HMGN1: variants seen among roughly 807,000 people sequenced by gnomAD.
HMGN1 encodes non-histone chromosomal protein HMG-14.
HMGN1 carries 9 observed loss-of-function variants against 18.4 expected under a neutral mutation model. That is an observed-to-expected ratio of 0.49 (90% CI 0.29 to 0.85). The LOEUF (loss-of-function observed/expected upper bound fraction) is 0.85. Ranked by LOEUF, HMGN1 falls within the 40% of genes least tolerant of loss-of-function variation. The pLI, the probability that HMGN1 is intolerant of heterozygous loss-of-function variation, is 0.07. For synonymous variants in HMGN1, 59 were observed against 45.0 expected, an observed-to-expected ratio of 1.31 and a Z score of -1.24; for missense variants, 151 against 119.2, an observed-to-expected ratio of 1.27 and a Z score of -1.24.
At chr21:39,345,305 C>G (rs779855812) in intron 4 of HMGN1, 31 bp from the exon 5 acceptor site, 6 of 1,585,578 alleles carry the variant, frequency 3.8e-6, no homozygotes, top group Non-Finnish European at 5.2e-6. Flanking sequence ...ATTTTAAGTA[C>G]ATGCTTTACT....
chr21:39,348,459 A>G lies in HMGN1; in HGVS notation c.49-8T>C. 15 of 1,614,058 alleles carry G rather than the reference A, an allele frequency of 9.3e-6. No homozygotes were observed. The highest frequency in any genetic ancestry group is 1.3e-5 in the Non-Finnish European group (15 of 1,179,990). On this transcript the variant is annotated splice_region_variant and splice_polypyrimidine_tract_variant and intron_variant, in intron 2 of 5. Transcript: ENST00000380749. ...CGCCGATCTCCTCTTGGGCTTGGAG[A>G]AAGAAAAAGGAGAGTCAGCGAGAAG...
chr21:39,342,935 C>A lies in HMGN1; in HGVS notation c.*177G>T. 2.4e-6 allele frequency: 3 copies of A among 1,253,256 alleles called. No individual in the cohort carries two copies. The highest frequency in any genetic ancestry group is 3.3e-6 in the Non-Finnish European group (3 of 896,026). The allele number at this position is 1,253,256 out of a possible 1,614,324, so 77.6% of individuals were successfully genotyped here. On this transcript the variant is annotated 3_prime_UTR_variant, in exon 6 of 6. Coordinates refer to ENST00000380749, the MANE Select transcript of HMGN1 (RefSeq NM_004965.7). ...AATAAACAACCAGCAAATGATTTCACCTCTTAAAAAAAAGCATTTACACTT... is the reference window on the plus strand; with the variant it reads ...AATAAACAACCAGCAAATGATTTCAACTCTTAAAAAAAAGCATTTACACTT...
intron 5 of HMGN1, among the ~76,000 whole-genome samples, chr21:39,343,470 T>C (rs2036935163): frequency 6.6e-6 from 1 of 152,234 alleles, no homozygotes; most frequent in Admixed American, 6.5e-5. Flanking sequence ...TCCGGTCTAC[T>C]TAGTGCCACA....
chr21:39,345,803 C>A, intron 4 of HMGN1: 1 of 1,295,484 alleles, frequency 7.7e-7, no homozygotes, highest in Non-Finnish European at 1.0e-6. Context: ...CTCACAAGAC[C>A]TTAACCCTCA....
intron 5 of HMGN1, 38 bp downstream of exon 5, chr21:39,345,108 A>AACACACAC (rs1569004986): frequency 1.8e-6 from 1 of 560,044 alleles, no homozygotes; most frequent in Non-Finnish European, 2.6e-6. Context: ...AGTCAAAGCA[A>AACACACAC]TCACACACAC....
rs1279297699 is a variant in HMGN1 at position 39,345,285 on chromosome 21, A to G, written c.127-11T>C. On this transcript the variant is annotated splice_polypyrimidine_tract_variant and intron_variant, in intron 4 of 5. Transcript: ENST00000380749. ...GTCTGAAGATTTATCCTATGATAGA[A>G]TAAGAATATATTTTAAGTACATGCT... The G allele has an allele frequency of 1.2e-6, 2 of 1,606,664 alleles. No individual in the cohort carries two copies. The highest frequency in any genetic ancestry group is 1.1e-5 in the South Asian group (1 of 90,894).
At position 39,348,642 on chromosome 21, in the gene HMGN1, C is replaced by T; in HGVS notation, c.16-65G>A. 4 of 1,505,520 alleles carry T rather than the reference C, an allele frequency of 2.7e-6. No individual in the cohort carries two copies. In the Admixed American group the frequency reaches 7.5e-5, roughly 28 times the overall value. The allele number at this position is 1,505,520 out of a possible 1,614,324, so 93.3% of individuals were successfully genotyped here. On this transcript the variant is annotated intron_variant, in intron 1 of 5. Coordinates refer to ENST00000380749, the MANE Select transcript of HMGN1 (RefSeq NM_004965.7). ...TCCCAGGACTCGCGGGCCCGCCCGG[C>T]CCCGAGAACAATGCCCGGCCGCGTG...
chr21:39,343,271 C>A (rs554755548), intron 5 of HMGN1, 112 bp from the exon 6 acceptor site: 3 of 1,025,080 alleles, frequency 2.9e-6, no homozygotes, highest in Non-Finnish European at 4.3e-6. Context: ...TGTAAAGTCA[C>A]CTACCTACTC....
chr21:39,346,498 A>T (rs760845377), intron 4 of HMGN1: 16 of 153,632 alleles, frequency 1.0e-4, no homozygotes, highest in Non-Finnish European at 2.0e-4. Flanking sequence ...AAACAGTTAA[A>T]ATAGAATACA....
intron 1 of HMGN1, 40 bp from the exon 2 acceptor site, chr21:39,348,617 T>TC: frequency 3.4e-6 from 5 of 1,455,708 alleles, no homozygotes; most frequent in Non-Finnish European, 4.6e-6. Flanking sequence ...CGGGCCGCAG[T>TC]CCCAGGACTC....
rs772222489 is a variant in HMGN1 at position 39,348,525 on chromosome 21, C to T, written c.48+20G>A. On this transcript the variant is annotated intron_variant, in intron 2 of 5. Transcript: ENST00000380749. Reference sequence around the variant, plus strand: ...GGCTCACGGGAAACCCACCACCCCCCGCAGAAGGCCCGCACTCACCTCTTC... The same window carrying T: ...GGCTCACGGGAAACCCACCACCCCCTGCAGAAGGCCCGCACTCACCTCTTC... The T allele has an allele frequency of 2.5e-6, 4 of 1,613,434 alleles. No homozygotes were observed. Among genetic ancestry groups the T allele is most frequent in the Non-Finnish European group, 1.7e-6 (2 of 1,179,882 alleles).
rs1363979945 is a variant in HMGN1 at position 39,342,638 on chromosome 21, TAC to T, written c.*472_*473del. On this transcript the variant is annotated 3_prime_UTR_variant, in exon 6 of 6. Coordinates refer to ENST00000380749, the MANE Select transcript of HMGN1 (RefSeq NM_004965.7). ...GAAAACAGGACTACCACAAAGATGTTACAGAGTGCACACAATTCTGGCAGAGA... is the reference window on the plus strand; with the variant it reads ...GAAAACAGGACTACCACAAAGATGTTAGAGTGCACACAATTCTGGCAGAGA... The T allele has an allele frequency of 3.3e-6, 1 of 299,102 alleles. No homozygotes were observed. Among genetic ancestry groups the T allele is most frequent in the South Asian group, 2.5e-5 (1 of 39,894 alleles). 18.5% of individuals were successfully genotyped at this position (299,102 alleles called of 1,614,324 possible).
chr21:39,345,574 T>C (rs2735310), intron 4 of HMGN1: 408,566 of 448,566 alleles, frequency 0.91, 187,424 homozygotes, highest in African/African-American at 0.98. Context: ...AGGAAAACAA[T>C]GTATGCTAAG....
intron 5 of HMGN1, among the ~76,000 whole-genome samples, chr21:39,343,774 G>A (rs1307359186): frequency 6.6e-6 from 1 of 152,170 alleles, no homozygotes; most frequent in Non-Finnish European, 1.5e-5. Flanking sequence ...ACCCAATCCT[G>A]TACTTCCCCT....
rs1296554025 is a variant in HMGN1, at chr21:39,348,299, G to A, written c.119C>T (p.Ala40Val). The change falls in exon 4 of 6, where the codon GCA becomes GTA. Residue 40 changes from alanine (A) to valine (V), a missense_variant. Coordinates refer to ENST00000380749, the MANE Select transcript of HMGN1 (RefSeq NM_004965.7). ...AKVEAKPKKAAAKDKSSDKKV... is the reference protein window; with the variant it reads ...AKVEAKPKKAVAKDKSSDKKV... ...GCGCGTTTCGAGGCTTACCTTCGCT[G>A]CTGCCTTTTTCGGCTTCGCTTCCAC... 1.2e-6 allele frequency: 2 copies of A among 1,614,102 alleles called. No individual in the cohort carries two copies.
intron 3 of HMGN1, 23 bp downstream of exon 3, chr21:39,348,399 G>GTTACGGGGCTCGCTTT (rs768968303): frequency 1.2e-6 from 2 of 1,614,180 alleles, no homozygotes; most frequent in South Asian, 2.2e-5. Flanking sequence ...AAAACGAACG[G>GTTACGGGGCTCGCTTT]TTACGGGGCT....
intron 4 of HMGN1, chr21:39,348,056 A>G (rs1435788065): frequency 9.8e-7 from 1 of 1,021,994 alleles, no homozygotes; most frequent in African/African-American, 1.7e-5. Flanking sequence ...CTTAATATTT[A>G]ATATTTTTTG....
At chr21:39,347,742 G>A (rs1412793568) in intron 4 of HMGN1, 8 of 262,850 alleles carry the variant, frequency 3.0e-5, no homozygotes, top group Non-Finnish European at 6.0e-5. Context: ...ATGCAATCAC[G>A]AATTTGTTAG....
At chr21:39,348,210 G>T in intron 4 of HMGN1, 82 bp downstream of exon 4, 1 of 1,525,184 alleles carries the variant, frequency 6.6e-7, no homozygotes, top group Non-Finnish European at 9.1e-7. Flanking sequence ...AGCTCCAATA[G>T]CTAATCAAAA....
Sources: gnomAD v4.1 joint callset for allele counts (sites outside exome capture counted in the v4.1 genomes callset) on GRCh38, gnomAD v4.1.1 for gene constraint, MANE v1.5 for transcripts, NCBI Gene and HGNC (gene_info 2026-07-23, HGNC 2026-07-21) for gene names.